GLRA3: variants seen among roughly 807,000 people sequenced by gnomAD.
GLRA3 encodes the protein glycine receptor alpha 3, also known as glycine receptor subunit alpha-3.
GLRA3 carries 44 observed loss-of-function variants against 60.4 expected under a neutral mutation model. The ratio of observed to expected loss-of-function variants is 0.73; its 90% CI spans 0.57 to 0.94. GLRA3 has a LOEUF of 0.94. Ranked by LOEUF, GLRA3 falls within the 40% of genes least tolerant of loss-of-function variation. The pLI is 0.00. For missense variants in GLRA3, 508 were observed against 564.6 expected (o/e 0.90, Z 1.02); for synonymous variants, 223 against 192.9 (o/e 1.16, Z -1.29).
chr4:174,689,756 TAAAAAAAAAAAAAA>T (rs553306775), intron 5 of GLRA3, among the ~76,000 whole-genome samples: 45 of 39,518 alleles, frequency 1.1e-3, no homozygotes, highest in African/African-American at 4.7e-3. Flanking sequence ...TAAGTCGCAT[TAAAAAAAAAAAAAA>T]AAAAAAAAAA....
intron 7 of GLRA3, among the ~76,000 whole-genome samples, chr4:174,670,879 G>A (rs1438500776): frequency 6.6e-6 from 1 of 151,774 alleles, no homozygotes; most frequent in Non-Finnish European, 1.5e-5. Context: ...CCATTTTTAG[G>A]ACTTTTTTAT....
intron 9 of GLRA3, among the ~76,000 whole-genome samples, chr4:174,647,664 T>G (rs1312376161): frequency 6.6e-6 from 1 of 152,144 alleles, no homozygotes; most frequent in Non-Finnish European, 1.5e-5. Context: ...GTGATTTTAA[T>G]TTTTACATTA....
chr4:174,821,736 G>A (rs1437464474), intron 1 of GLRA3, among the ~76,000 whole-genome samples: 3 of 151,994 alleles, frequency 2.0e-5, no homozygotes, highest in Admixed American at 2.0e-4. Flanking sequence ...GGTTTTTCAT[G>A]GGGCAAAGAA....
intron 4 of GLRA3, among the ~76,000 whole-genome samples, chr4:174,717,056 A>T (rs1050466741): frequency 1.3e-4 from 19 of 150,552 alleles, no homozygotes; most frequent in East Asian, 1.9e-4. Context: ...ATATATATAT[A>T]TTTTAAATTA....
intron 3 of GLRA3, among the ~76,000 whole-genome samples, chr4:174,738,915 C>A (rs1736902083): frequency 6.6e-6 from 1 of 152,198 alleles, no homozygotes; most frequent in Non-Finnish European, 1.5e-5. Context: ...TAGGCAAGGT[C>A]TCTTTTATGG....
At chr4:174,811,971 A>G (rs902951719) in intron 1 of GLRA3, among the ~76,000 whole-genome samples, 2 of 152,196 alleles carry the variant, frequency 1.3e-5, no homozygotes, top group African/African-American at 2.4e-5. Context: ...ATTTGGTAAA[A>G]TACTTCCTAG....
chr4:174,825,083 G>A (rs916880274), intron 1 of GLRA3, among the ~76,000 whole-genome samples: 21 of 152,048 alleles, frequency 1.4e-4, no homozygotes, highest in African/African-American at 5.1e-4. Context: ...TTGAGGCATT[G>A]ACTGGACTAT....
chr4:174,821,767 C>T lies in GLRA3; in HGVS notation c.71+6974G>A, dbSNP rs562183893. Among the ~76,000 whole-genome samples the T allele has an allele frequency of 4.5e-4, 69 of 152,230 alleles. 2 individuals are homozygous for T. The South Asian group carries it at 0.014, about 31-fold the overall frequency. Reference sequence around the variant, plus strand: ...AAGAACCAAACCCTTCTCTTTTCCACTAGATGCTGCCAATTTGTATCTGTT... The same window carrying T: ...AAGAACCAAACCCTTCTCTTTTCCATTAGATGCTGCCAATTTGTATCTGTT... On this transcript the variant is annotated intron_variant, in intron 1 of 9. Coordinates refer to ENST00000274093, the MANE Select transcript of GLRA3 (RefSeq NM_006529.4).
At chr4:174,706,038 T>C (rs1021484562) in intron 5 of GLRA3, among the ~76,000 whole-genome samples, 1 of 151,866 alleles carries the variant, frequency 6.6e-6, no homozygotes, top group Non-Finnish European at 1.5e-5. Flanking sequence ...GACCATCCTG[T>C]GTAACATGGT....
At chr4:174,711,553 C>T (rs538789944) in intron 5 of GLRA3, among the ~76,000 whole-genome samples, 1 of 151,920 alleles carries the variant, frequency 6.6e-6, no homozygotes, top group Admixed American at 6.5e-5. Flanking sequence ...GATTCTCCAG[C>T]CTCAGCCACC....
At chr4:174,822,755 C>T (rs865954345) in intron 1 of GLRA3, among the ~76,000 whole-genome samples, 8 of 152,174 alleles carry the variant, frequency 5.3e-5, no homozygotes, top group Admixed American at 1.3e-4. Context: ...TTCTTCATCG[C>T]TTACATCGGA....
chr4:174,808,780 CA>C (rs537806207), intron 1 of GLRA3, among the ~76,000 whole-genome samples: 17 of 142,424 alleles, frequency 1.2e-4, no homozygotes, highest in African/African-American at 2.3e-4. Flanking sequence ...TAGTTTTTAA[CA>C]AAAAAAAAAT....
chr4:174,738,977 C>T (rs913936319), intron 3 of GLRA3, among the ~76,000 whole-genome samples: 10 of 152,336 alleles, frequency 6.6e-5, no homozygotes, highest in African/African-American at 2.4e-4. Flanking sequence ...CTGAATTCCA[C>T]TGAGCAACTT....
chr4:174,718,658 G>T (rs1343070813), intron 4 of GLRA3, among the ~76,000 whole-genome samples: 2 of 151,842 alleles, frequency 1.3e-5, no homozygotes, highest in African/African-American at 2.4e-5. Context: ...TTCTCTATTT[G>T]GTGTCTTAAA....
intron 5 of GLRA3, among the ~76,000 whole-genome samples, chr4:174,693,231 C>A (rs1050226786): frequency 5.9e-5 from 9 of 152,038 alleles, no homozygotes; most frequent in African/African-American, 2.2e-4. Flanking sequence ...AAATCTTTGT[C>A]CATTTTTATG....
chr4:174,797,245 A>C (rs1739609444), intron 1 of GLRA3, among the ~76,000 whole-genome samples: 1 of 152,252 alleles, frequency 6.6e-6, no homozygotes, highest in African/African-American at 2.4e-5. Flanking sequence ...TAGTTTCAAC[A>C]GAGCTGACGT....
At chr4:174,670,819 T>C (rs889057551) in intron 7 of GLRA3, among the ~76,000 whole-genome samples, 1 of 152,152 alleles carries the variant, frequency 6.6e-6, no homozygotes, top group African/African-American at 2.4e-5. Context: ...AGATGAAATG[T>C]AGAACTAGAG....
At chr4:174,809,006 G>T (rs182081572) in intron 1 of GLRA3, among the ~76,000 whole-genome samples, 1 of 152,124 alleles carries the variant, frequency 6.6e-6, no homozygotes, top group Non-Finnish European at 1.5e-5. Flanking sequence ...TTAAAAATTC[G>T]ACACTAGTGT....
chr4:174,729,850 A>G (rs1736485326), intron 3 of GLRA3, among the ~76,000 whole-genome samples: 1 of 152,226 alleles, frequency 6.6e-6, no homozygotes, highest in African/African-American at 2.4e-5. Flanking sequence ...TTTCTTGAAT[A>G]CCAAATTATG....
Sources: gnomAD v4.1 joint callset for allele counts (sites outside exome capture counted in the v4.1 genomes callset) on GRCh38, gnomAD v4.1.1 for gene constraint, MANE v1.5 for transcripts, NCBI Gene and HGNC (gene_info 2026-07-23, HGNC 2026-07-21) for gene names.